SYN2: variants seen among roughly 807,000 people sequenced by gnomAD.
SYN2 encodes the protein synapsin-2.
In SYN2, 19 loss-of-function variants were observed where a neutral mutation model predicts 50.9. That is an observed-to-expected ratio of 0.37 (90% CI 0.26 to 0.55). SYN2 has a LOEUF of 0.55. Among genes scored for constraint, SYN2 ranks in the 20% least tolerant of loss-of-function variants. The pLI is 0.81. For missense variants in SYN2, 587 were observed against 576.4 expected (o/e 1.02, Z -0.19); for synonymous variants, 255 against 224.9 (o/e 1.13, Z -1.20).
At chr3:12,190,303 A>C (rs1192983017) in intron 12 of SYN2, among the ~76,000 whole-genome samples, 187 bp from the exon 13 acceptor site, 2 of 152,070 alleles carry the variant, frequency 1.3e-5, no homozygotes, top group East Asian at 3.9e-4. Context: ...GTAGCACCAA[A>C]GTTGAGGAAG....
intron 1 of SYN2, among the ~76,000 whole-genome samples, chr3:12,067,949 T>C (rs1190966139): frequency 6.6e-6 from 1 of 152,112 alleles, no homozygotes; most frequent in African/African-American, 2.4e-5. Flanking sequence ...TCCCAGCTAC[T>C]TGGGAGGCTG....
At chr3:12,105,319 T>C (rs1313749711) in intron 1 of SYN2, among the ~76,000 whole-genome samples, 1 of 152,068 alleles carries the variant, frequency 6.6e-6, no homozygotes, top group Non-Finnish European at 1.5e-5. Context: ...TTTCCAAATA[T>C]ATCTTACCCT....
intron 5 of SYN2, among the ~76,000 whole-genome samples, chr3:12,160,630 A>G (rs1697625063): frequency 6.6e-6 from 1 of 152,216 alleles, no homozygotes; most frequent in African/African-American, 2.4e-5. Context: ...ATTTGAAGGG[A>G]GCTCAGAAAG....
Position 12,011,112 on chromosome 3 carries a change from A to ACTT in SYN2, c.377+6186_377+6188dup, listed in dbSNP as rs1273940727. 3.9e-5 allele frequency among the ~76,000 whole-genome samples: 6 copies of ACTT among 152,348 alleles called. 1 individual carries two copies. The highest frequency in any genetic ancestry group is 1.4e-4 in the African/African-American group (6 of 41,574). ...CTTGAGGCTACTGCATTTAACCATG[A>ACTT]CTTCACTCTAGGTGGTGGATATGAT... On this transcript the variant is annotated intron_variant, in intron 1 of 12. Coordinates refer to ENST00000621198, the MANE Select transcript of SYN2 (RefSeq NM_133625.6).
intron 1 of SYN2, among the ~76,000 whole-genome samples, chr3:12,061,382 C>G (rs1234741645): frequency 1.3e-5 from 2 of 151,992 alleles, no homozygotes; most frequent in Non-Finnish European, 2.9e-5. Flanking sequence ...TCTCAGCAAA[C>G]TAGGCATAAA....
intron 1 of SYN2, among the ~76,000 whole-genome samples, chr3:12,092,690 GA>G (rs906925283): frequency 6.6e-6 from 1 of 152,168 alleles, no homozygotes; most frequent in Non-Finnish European, 1.5e-5. Context: ...GGGGGTCAAA[GA>G]CTGTGTTTCA....
rs570909045 is a variant in SYN2, at chr3:12,161,229, T to G, written c.775-317T>G. Reference sequence around the variant, plus strand: ...GTTCACTCTTTCAGAGATACTTTCTTTTTTTAATTCTCTTTGTCTGAGGGC... The same window carrying G: ...GTTCACTCTTTCAGAGATACTTTCTGTTTTTAATTCTCTTTGTCTGAGGGC... On this transcript the variant is annotated intron_variant, in intron 5 of 12. Coordinates refer to ENST00000621198, the MANE Select transcript of SYN2 (RefSeq NM_133625.6). Among the ~76,000 whole-genome samples, 9 of 152,352 alleles carry G rather than the reference T, an allele frequency of 5.9e-5. No homozygotes were observed. In the East Asian group the frequency reaches 1.7e-3, roughly 29 times the overall value.
At chr3:12,061,052 G>A (rs1695103490) in intron 1 of SYN2, among the ~76,000 whole-genome samples, 1 of 152,162 alleles carries the variant, frequency 6.6e-6, no homozygotes, top group East Asian at 1.9e-4. Flanking sequence ...CTGTAGGAAT[G>A]AATGAAAAGC....
intron 1 of SYN2, among the ~76,000 whole-genome samples, chr3:12,113,833 T>G (rs1696375560): frequency 6.6e-6 from 1 of 152,200 alleles, no homozygotes; most frequent in Non-Finnish European, 1.5e-5. Flanking sequence ...CATGTTTTGT[T>G]TATCCATTCA....
At chr3:12,151,358 T>A (rs1697287140) in intron 5 of SYN2, 32 bp downstream of exon 5, 2 of 1,572,972 alleles carry the variant, frequency 1.3e-6, no homozygotes, top group East Asian at 4.5e-5. Context: ...TTAGTCTTTC[T>A]GCTGTTTTCA....
intron 5 of SYN2, among the ~76,000 whole-genome samples, chr3:12,156,598 G>A (rs1166818864): frequency 2.6e-5 from 4 of 152,152 alleles, no homozygotes; most frequent in East Asian, 3.8e-4. Flanking sequence ...ATAGTGAAAC[G>A]GTGGCCAGGG....
chr3:12,102,515 A>G (rs778837080), intron 1 of SYN2, among the ~76,000 whole-genome samples: 10 of 152,130 alleles, frequency 6.6e-5, no homozygotes, highest in Admixed American at 1.3e-4. Context: ...ATAAAAAGAG[A>G]ATGGCAATAA....
At chr3:12,137,822 G>A (rs539139032) in intron 1 of SYN2, among the ~76,000 whole-genome samples, 1 of 152,124 alleles carries the variant, frequency 6.6e-6, no homozygotes, top group East Asian at 1.9e-4. Flanking sequence ...AATTGATAAT[G>A]GGAAGTATAT....
chr3:12,037,800 A>G (rs1370462208), intron 1 of SYN2, among the ~76,000 whole-genome samples: 1 of 152,184 alleles, frequency 6.6e-6, no homozygotes, highest in Non-Finnish European at 1.5e-5. Flanking sequence ...ACACACTCAA[A>G]CCATAGCAAA....
chr3:12,048,906 A>G (rs1179263960), intron 1 of SYN2, among the ~76,000 whole-genome samples: 1 of 152,156 alleles, frequency 6.6e-6, no homozygotes, highest in African/African-American at 2.4e-5. Context: ...TATTCATTAT[A>G]TCGTTGGTTT....
chr3:12,164,452 C>T (rs1358015325), intron 7 of SYN2, among the ~76,000 whole-genome samples: 1 of 152,228 alleles, frequency 6.6e-6, no homozygotes, highest in Non-Finnish European at 1.5e-5. Flanking sequence ...AGCTTCTCCT[C>T]ACCACACTTC....
At chr3:12,155,547 C>T (rs1235701410) in intron 5 of SYN2, among the ~76,000 whole-genome samples, 2 of 152,272 alleles carry the variant, frequency 1.3e-5, no homozygotes, top group East Asian at 1.9e-4. Context: ...TAGCTGAGTT[C>T]AGTTCTTGGG....
At chr3:12,029,856 G>C (rs1171640889) in intron 1 of SYN2, among the ~76,000 whole-genome samples, 1 of 102,322 alleles carries the variant, frequency 9.8e-6, no homozygotes, top group Non-Finnish European at 1.8e-5. Flanking sequence ...TTTCCTAATT[G>C]AATACCCTTT....
At position 12,145,666 on chromosome 3, in the gene SYN2, A is replaced by G; in HGVS notation, c.528-13A>G. On this transcript the variant is annotated splice_polypyrimidine_tract_variant and intron_variant, in intron 3 of 12. Transcript: ENST00000621198. ...GCTGGTTAATGGCAAACCTGCCTCT[A>G]CCTTCTCACCAGGTCCTTCCGGCCA... 1 of 1,612,826 alleles carries G rather than the reference A, an allele frequency of 6.2e-7. No homozygotes were observed. Among genetic ancestry groups the G allele is most frequent in the Non-Finnish European group, 8.5e-7 (1 of 1,179,018 alleles).
Sources: allele counts gnomAD v4.1 joint callset (sites outside exome capture counted in the v4.1 genomes callset), GRCh38; gene constraint gnomAD v4.1.1; transcripts MANE v1.5; gene names NCBI Gene and HGNC (gene_info 2026-07-23, HGNC 2026-07-21).